Variants in NBAS observed in about 807,000 individuals in gnomAD.
NBAS encodes NBAS subunit of NRZ tethering complex.
NBAS carries 219 observed loss-of-function variants against 302.5 expected under a neutral mutation model. That is an observed-to-expected ratio of 0.72 (90% CI 0.65 to 0.81). NBAS has a LOEUF of 0.81. Among genes scored for constraint, NBAS ranks in the 30% least tolerant of loss-of-function variants. The pLI is 0.00. For missense variants in NBAS, 2,932 were observed against 2,841.6 expected, an observed-to-expected ratio of 1.03 and a Z score of -0.72; for synonymous variants, 1,118 against 1,021.6, an observed-to-expected ratio of 1.09 and a Z score of -1.80.
the NBAS span, among the ~76,000 whole-genome samples, chr2:15,129,005 G>A: frequency 3.4e-3 from 520 of 152,294 alleles, 5 homozygotes; most frequent in African/African-American, 0.012. Context: ...TTTGAGCAGG[G>A]GGCTGGGCGG....
At chr2:15,535,819 G>T (rs1663478591) in intron 8 of NBAS, among the ~76,000 whole-genome samples, 1 of 152,184 alleles carries the variant, frequency 6.6e-6, no homozygotes, top group Non-Finnish European at 1.5e-5. Context: ...ACAGAGGGAT[G>T]ACTGTATATT....
chr2:15,335,970 C>A (rs1340978585), intron 35 of NBAS, among the ~76,000 whole-genome samples: 1 of 152,138 alleles, frequency 6.6e-6, no homozygotes, highest in African/African-American at 2.4e-5. Flanking sequence ...GTGGCACGTG[C>A]CTCTAGTCCT....
chr2:15,207,132 A>T (rs899410743), intron 48 of NBAS, among the ~76,000 whole-genome samples: 1 of 152,358 alleles, frequency 6.6e-6, no homozygotes, highest in Non-Finnish European at 1.5e-5. Flanking sequence ...ACAGAAGCAG[A>T]GCTGCCCATG....
intron 9 of NBAS, among the ~76,000 whole-genome samples, chr2:15,521,982 C>T (rs765422793): frequency 1.3e-5 from 2 of 152,100 alleles, no homozygotes; most frequent in African/African-American, 2.4e-5. Flanking sequence ...GTGTGCTGAC[C>T]GTTGGCACAG....
rs187872756 is a variant in NBAS at position 15,472,582 on chromosome 2, C to G, written c.1725+640G>C. 4.1e-3 allele frequency among the ~76,000 whole-genome samples: 624 copies of G among 152,228 alleles called. 1 individual carries two copies. The highest frequency in any genetic ancestry group is 6.7e-3 in the Non-Finnish European group (454 of 68,006). On this transcript the variant is annotated intron_variant, in intron 16 of 51. Transcript: ENST00000281513. The stretch of plus-strand genomic sequence containing the variant: ...AAACCCCAACCTCAGCTCACTGGCC[C>G]CCCCCAGAAGCAGGCGTCCAGCTTT...
At chr2:14,991,902 C>A in the NBAS span, among the ~76,000 whole-genome samples, 6 of 152,162 alleles carry the variant, frequency 3.9e-5, no homozygotes, top group Non-Finnish European at 2.9e-5. Context: ...TAATCCCAGC[C>A]TCACCCTCAA....
At chr2:14,793,321 T>C in the NBAS span, among the ~76,000 whole-genome samples, 3 of 152,068 alleles carry the variant, frequency 2.0e-5, no homozygotes, top group Non-Finnish European at 4.4e-5. Flanking sequence ...AACAATCTAT[T>C]ATAAATTCTT....
chr2:14,873,834 T>TTACTTTTTTTTTTTACTAAA, the NBAS span, among the ~76,000 whole-genome samples: 1 of 138,732 alleles, frequency 7.2e-6, no homozygotes, highest in African/African-American at 3.3e-5. Context: ...TTAAAATATA[T>TTACTTTTTTTTTTTACTAAA]TGCATTACAT....
chr2:14,827,687 T>C, the NBAS span, among the ~76,000 whole-genome samples: 1 of 152,206 alleles, frequency 6.6e-6, no homozygotes, highest in Non-Finnish European at 1.5e-5. Flanking sequence ...CTAAGTGAGA[T>C]AAGCCAGTCA....
the NBAS span, among the ~76,000 whole-genome samples, chr2:15,019,333 T>C: frequency 6.6e-6 from 1 of 152,210 alleles, no homozygotes; most frequent in African/African-American, 2.4e-5. Flanking sequence ...TAAGCCAAAA[T>C]TGAAGGGCTT....
the NBAS span, among the ~76,000 whole-genome samples, chr2:14,798,234 G>A: frequency 6.6e-6 from 1 of 152,064 alleles, no homozygotes; most frequent in South Asian, 2.1e-4. Flanking sequence ...GCTTTTTGGA[G>A]GTGCCATTTA....
intron 40 of NBAS, among the ~76,000 whole-genome samples, chr2:15,305,727 A>T (rs1167462614): frequency 6.6e-6 from 1 of 152,148 alleles, no homozygotes; most frequent in African/African-American, 2.4e-5. Context: ...GATTACAGGC[A>T]TGAGCCACTG....
intron 47 of NBAS, among the ~76,000 whole-genome samples, chr2:15,228,336 A>C (rs10179076): frequency 0.39 from 58,836 of 152,014 alleles, 12,498 homozygotes; most frequent in African/African-American, 0.55. Flanking sequence ...AAGAAAAAAA[A>C]TAACTAATGC....
chr2:15,193,547 AC>A (rs1665463876), intron 48 of NBAS, among the ~76,000 whole-genome samples: 1 of 152,148 alleles, frequency 6.6e-6, no homozygotes, highest in African/African-American at 2.4e-5. Context: ...TATCTAAAAA[AC>A]GAATGTTAAT....
chr2:14,833,803 C>G, the NBAS span, among the ~76,000 whole-genome samples: 1 of 151,790 alleles, frequency 6.6e-6, no homozygotes, highest in Non-Finnish European at 1.5e-5. Context: ...TCATCTGAAA[C>G]AGTATTTACA....
chr2:14,984,778 C>CA, the NBAS span, among the ~76,000 whole-genome samples: 1 of 152,138 alleles, frequency 6.6e-6, no homozygotes, highest in Admixed American at 6.5e-5. Context: ...TCATGAACAT[C>CA]ATGTGAAAGG....
the NBAS span, among the ~76,000 whole-genome samples, chr2:15,005,825 A>G: frequency 2.0e-5 from 3 of 152,208 alleles, no homozygotes; most frequent in Admixed American, 1.3e-4. Context: ...CTTGAACCAT[A>G]TTGCCGTAGT....
chr2:15,299,670 T>C (rs2148132077), intron 40 of NBAS, among the ~76,000 whole-genome samples: 1 of 152,316 alleles, frequency 6.6e-6, no homozygotes, highest in African/African-American at 2.4e-5. Context: ...TTAACCGATT[T>C]TACCTTCTGA....
intron 21 of NBAS, among the ~76,000 whole-genome samples, chr2:15,428,869 C>T (rs937125002): frequency 2.6e-5 from 4 of 151,898 alleles, no homozygotes; most frequent in Non-Finnish European, 5.9e-5. Context: ...CAGTGAAACC[C>T]CGTTTCTACT....
Sources: allele counts gnomAD v4.1 joint callset (sites outside exome capture counted in the v4.1 genomes callset), GRCh38; gene constraint gnomAD v4.1.1; transcripts MANE v1.5; gene names NCBI Gene and HGNC (gene_info 2026-07-23, HGNC 2026-07-21).